Variants in SVEP1 observed in about 807,000 individuals in gnomAD.
The protein encoded by SVEP1 is sushi, von Willebrand factor type A, EGF and pentraxin domain-containing protein 1.
SVEP1 carries 164 observed loss-of-function variants against 367.3 expected under a neutral mutation model. The ratio of observed to expected loss-of-function variants is 0.45; its 90% CI spans 0.39 to 0.51. SVEP1 has a LOEUF of 0.51. SVEP1 is among the 20% of genes least tolerant of loss of function. The probability of loss-of-function intolerance (pLI) is 0.00; values close to 1 mark genes in which losing one functional copy is unlikely to be tolerated. For missense variants in SVEP1, 4,117 were observed against 4,425.3 expected, an observed-to-expected ratio of 0.93 and a Z score of 1.98; for synonymous variants, 1,666 against 1,611.6, an observed-to-expected ratio of 1.03 and a Z score of -0.81.
intron 18 of SVEP1, 117 bp from the exon 19 acceptor site, chr9:110,459,230 A>G (rs1588063978): frequency 2.2e-6 from 2 of 903,378 alleles, no homozygotes; most frequent in Non-Finnish European, 1.6e-6. Flanking sequence ...AATCTCTTCC[A>G]TATATTTAAT....
rs551066719 is a variant in SVEP1 at position 110,507,021 on chromosome 9, C to T, written c.1304-3804G>A. Among the ~76,000 whole-genome samples the T allele has an allele frequency of 9.2e-5, 14 of 152,138 alleles. No homozygotes were observed. The South Asian group carries it at 2.3e-3, about 25-fold the overall frequency. On this transcript the variant is annotated intron_variant, in intron 5 of 47. Coordinates refer to ENST00000374469, the MANE Select transcript of SVEP1 (RefSeq NM_153366.4). ...TCAGAAGGCATGCACATTCCATTCA[C>T]GAACAGAGATTGGAGAGGAAAAAAG...
rs758966364 is a variant in SVEP1, at chr9:110,472,188, T to C, written c.2735A>G (p.Tyr912Cys). ...GATGTTAAAAATTAACTTAATTTTA[T>C]AGTCAGATAATGGGGCACTTCTTTT... Reference protein sequence around the residue: ...RIKRSAPLSDYKIKLIFNITA... With the variant: ...RIKRSAPLSDCKIKLIFNITA... Residue 912 changes from tyrosine to cysteine, a missense_variant, in exon 15 of 48, where the codon TAT becomes TGT. Tyr to Cys is a radical substitution (Grantham distance 194, BLOSUM62 -2). Coordinates refer to ENST00000374469, the MANE Select transcript of SVEP1 (RefSeq NM_153366.4). 1.2e-6 allele frequency: 2 copies of C among 1,612,512 alleles called. No homozygotes were observed. Among genetic ancestry groups the C allele is most frequent in the East Asian group, 4.5e-5 (2 of 44,854 alleles).
At position 110,385,921 on chromosome 9, in the gene SVEP1, G is replaced by A. The variant is rs2118961813; in HGVS notation, c.10214C>T (p.Thr3405Ile). The A allele has an allele frequency of 6.2e-7, 1 of 1,613,700 alleles. No individual in the cohort carries two copies. The highest frequency in any genetic ancestry group is 8.5e-7 in the Non-Finnish European group (1 of 1,179,780). ...IITCNPDETW[T>I]QTSAKCEKIS... ...ACTTTCACATTTGGCGCTTGTCTGT[G>A]TCCACGTCTCGTCGGGGTTGCAGGT... Residue 3405 changes from threonine (T) to isoleucine (I), a missense_variant, in exon 43 of 48, where the codon ACA becomes ATA. Coordinates refer to ENST00000374469, the MANE Select transcript of SVEP1 (RefSeq NM_153366.4).
chr9:110,568,599 G>A (rs147643403), intron 1 of SVEP1, among the ~76,000 whole-genome samples: 5 of 152,236 alleles, frequency 3.3e-5, no homozygotes, highest in African/African-American at 9.6e-5. Flanking sequence ...GCACAAGAAA[G>A]AAGGGAAAAT....
intron 1 of SVEP1, among the ~76,000 whole-genome samples, chr9:110,566,563 T>G (rs1296745675): frequency 6.6e-6 from 1 of 152,158 alleles, no homozygotes; most frequent in African/African-American, 2.4e-5. Context: ...CAACATTTTA[T>G]GCAGAACAGT....
chr9:110,523,113 T>A (rs1448260522), intron 3 of SVEP1, among the ~76,000 whole-genome samples: 1 of 152,202 alleles, frequency 6.6e-6, no homozygotes, highest in East Asian at 1.9e-4. Flanking sequence ...CAGTACAATT[T>A]AGAATATAGT....
intron 8 of SVEP1, among the ~76,000 whole-genome samples, chr9:110,492,582 G>A (rs1346773183): frequency 1.3e-5 from 2 of 151,868 alleles, no homozygotes; most frequent in Non-Finnish European, 2.9e-5. Context: ...TCGCCAGGAG[G>A]CTGACACAGC....
At chr9:110,569,247 G>A (rs1434093962) in intron 1 of SVEP1, among the ~76,000 whole-genome samples, 2 of 152,042 alleles carry the variant, frequency 1.3e-5, no homozygotes, top group South Asian at 2.1e-4. Flanking sequence ...ACCTGAGGTC[G>A]GGAGTTTGAG....
In SVEP1 at chr9:110,481,365, T is replaced by C; in HGVS notation, c.2242A>G (p.Asn748Asp). Residue 748 changes from asparagine to aspartate, a missense_variant, in exon 12 of 48, where the codon AAC becomes GAC. Asn to Asp is a conservative substitution (Grantham distance 23). Coordinates refer to ENST00000374469, the MANE Select transcript of SVEP1 (RefSeq NM_153366.4). The part of the protein sequence containing the change: ...FICTPDNTGV[N>D]CTLTCLEGYD... ...CCCTCCAAGCAAGTTAATGTACAGT[T>C]GACTCCAGTATTATCTGGAGTGCAT... is the stretch of plus-strand genomic sequence containing the variant. 1 of 1,611,102 alleles carries C rather than the reference T, an allele frequency of 6.2e-7. No individual in the cohort carries two copies. The highest frequency in any genetic ancestry group is 8.5e-7 in the Non-Finnish European group (1 of 1,178,558).
At chr9:110,500,288 T>C (rs1206850704) in intron 6 of SVEP1, among the ~76,000 whole-genome samples, 4 of 152,196 alleles carry the variant, frequency 2.6e-5, no homozygotes, top group Admixed American at 1.3e-4. Context: ...AAGCCAAATT[T>C]GTGGTTCGAC....
chr9:110,465,580 C>A (rs1427096026), intron 18 of SVEP1, among the ~76,000 whole-genome samples: 1 of 152,134 alleles, frequency 6.6e-6, no homozygotes, highest in African/African-American at 2.4e-5. Flanking sequence ...ATATTTCTAC[C>A]ATATCACGAA....
In SVEP1 at chr9:110,491,590, G is replaced by GGTGTGTGT. The variant is rs55905097; in HGVS notation, c.1801-1819_1801-1812dup. 9.0e-3 allele frequency among the ~76,000 whole-genome samples: 1,327 copies of GGTGTGTGT among 147,820 alleles called. 11 individuals are homozygous for GGTGTGTGT. Among genetic ancestry groups the GGTGTGTGT allele is most frequent in the East Asian group, 0.025 (124 of 5,022 alleles). Reference sequence around the variant, plus strand: ...TAGCATTACATATTTTATAGAATGGGGTGTGTGTGTGTGTGTGTGTGTGTG... The same window carrying GGTGTGTGT: ...TAGCATTACATATTTTATAGAATGGGGTGTGTGTGTGTGTGTGTGTGTGTGTGTGTGTG... On this transcript the variant is annotated intron_variant, in intron 8 of 47. Coordinates refer to ENST00000374469, the MANE Select transcript of SVEP1 (RefSeq NM_153366.4).
intron 22 of SVEP1, among the ~76,000 whole-genome samples, chr9:110,453,069 T>C (rs1291170435): frequency 1.3e-5 from 2 of 152,220 alleles, no homozygotes; most frequent in Admixed American, 6.5e-5. Flanking sequence ...TATGTCTTTA[T>C]GGAAGTTGTT....
chr9:110,542,543 T>C (rs1040293328), intron 3 of SVEP1, among the ~76,000 whole-genome samples: 7 of 152,146 alleles, frequency 4.6e-5, no homozygotes, highest in Admixed American at 4.6e-4. Context: ...ACTTGAAACT[T>C]CTGTGTTGTG....
At chr9:110,514,147 C>A (rs748616103) in intron 3 of SVEP1, 41 bp from the exon 4 acceptor site, 2 of 1,590,146 alleles carry the variant, frequency 1.3e-6, no homozygotes, top group African/African-American at 2.7e-5. Context: ...TTATGTGGCA[C>A]ATCAGCTGGT....
chr9:110,410,291 G>C (rs1170319862), intron 37 of SVEP1, among the ~76,000 whole-genome samples: 2 of 152,106 alleles, frequency 1.3e-5, no homozygotes, highest in Non-Finnish European at 2.9e-5. Context: ...CTATTTTCTT[G>C]GTAGGCTTAT....
At chr9:110,395,014 A>T (rs1249989420) in intron 40 of SVEP1, among the ~76,000 whole-genome samples, 1 of 152,062 alleles carries the variant, frequency 6.6e-6, no homozygotes, top group East Asian at 1.9e-4. Context: ...CCACAAAGAT[A>T]CTCCTTGAGA....
chr9:110,406,329 T>C lies in SVEP1; in HGVS notation c.9271A>G (p.Arg3091Gly). The C allele has an allele frequency of 6.2e-7, 1 of 1,614,070 alleles. No homozygotes were observed. Among genetic ancestry groups the C allele is most frequent in the Non-Finnish European group, 8.5e-7 (1 of 1,179,906 alleles). Residue 3091 changes from arginine (R) to glycine (G), a missense_variant, in exon 38 of 48, where the codon AGG (arginine) becomes GGG (glycine). Physicochemically the swap from Arg to Gly is moderately radical, Grantham distance 125. Around this residue, in one of 4 missense-constraint regions of SVEP1, gnomAD observed 1,765 missense variants for 1,781.1 expected, o/e 0.99. Coordinates refer to ENST00000374469, the MANE Select transcript of SVEP1 (RefSeq NM_153366.4). ...WKENVITYSC[R>G]SGYVIQGSSD... ...CTGCCTTGTATGACATATCCAGACC[T>C]GCAGCTGTAAGTTATCACATTTTCC...
At chr9:110,438,533 A>T (rs1828466355) in intron 27 of SVEP1, among the ~76,000 whole-genome samples, 1 of 152,182 alleles carries the variant, frequency 6.6e-6, no homozygotes, top group Non-Finnish European at 1.5e-5. Flanking sequence ...ACATGAATGG[A>T]CAACAAAGCA....
Sources: gnomAD v4.1 joint callset for allele counts (sites outside exome capture counted in the v4.1 genomes callset) on GRCh38, gnomAD v4.1.1 for gene constraint, gnomAD v4.1.1 regional missense constraint, MANE v1.5 for transcripts, NCBI Gene and HGNC (gene_info 2026-07-23, HGNC 2026-07-21) for gene names.